FN3K: variants seen among roughly 807,000 people sequenced by gnomAD.
FN3K encodes fructosamine-3-kinase.
In FN3K, 24 loss-of-function variants were observed where a neutral mutation model predicts 24.8. That is an observed-to-expected ratio of 0.97 (90% CI 0.70 to 1.36). FN3K has a LOEUF of 1.36. Among genes scored for constraint, FN3K ranks in the 40% most tolerant of loss-of-function variants. The pLI, the probability that FN3K is intolerant of heterozygous loss-of-function variation, is 0.00. For synonymous variants in FN3K, 192 were observed against 175.2 expected, an observed-to-expected ratio of 1.10 and a Z score of -0.76; for missense variants, 449 against 416.7, an observed-to-expected ratio of 1.08 and a Z score of -0.67.
chr17:82,739,674 G>A (rs866146562), intron 2 of FN3K, among the ~76,000 whole-genome samples: 2 of 151,856 alleles, frequency 1.3e-5, no homozygotes, highest in Non-Finnish European at 2.9e-5. Context: ...AGCCAGGATG[G>A]TCTCGATCTG....
In FN3K at chr17:82,738,515, G is replaced by A. The variant is rs769383999; in HGVS notation, c.168G>A (p.Val56=). Residue 56 remains valine (V), a synonymous_variant, in exon 2 of 6, where the codon GTG becomes GTA. Coordinates refer to ENST00000300784, the MANE Select transcript of FN3K (RefSeq NM_022158.4). ...TQARQMFEGE[V]ASLEALRSTG... is the part of the protein sequence containing the mutation. ...CCCGGCAGATGTTTGAGGGGGAGGT[G>A]GCCAGCCTGGAGGCCCTCAGGAGCA... 5.6e-6 allele frequency: 9 copies of A among 1,611,890 alleles called. No homozygotes were observed. The South Asian group carries it at 6.6e-5, about 12-fold the overall frequency.
Position 82,738,586 on chromosome 17 carries a change from C to A in FN3K, c.239C>A (p.Pro80Gln), listed in dbSNP as rs564185306. The part of the protein sequence containing the change: ...VPRPMKVIDL[P>Q]GGGAAFVMEH... ...AGGCCCATGAAGGTCATCGACCTGC[C>A]GGGAGGTGGGGCCGCCTTTGTGATG... The change falls in exon 2 of 6, where the codon CCG (proline) becomes CAG (glutamine). Residue 80 changes from proline (P) to glutamine (Q), a missense_variant. Coordinates refer to ENST00000300784, the MANE Select transcript of FN3K (RefSeq NM_022158.4). 50 of 1,613,866 alleles carry A rather than the reference C, an allele frequency of 3.1e-5. No individual in the cohort carries two copies. The highest frequency in any genetic ancestry group is 8.3e-5 in the Admixed American group (5 of 59,970).
intron 4 of FN3K, among the ~76,000 whole-genome samples, chr17:82,743,701 T>C (rs1050176058): frequency 6.6e-6 from 1 of 152,232 alleles, no homozygotes; most frequent in African/African-American, 2.4e-5. Flanking sequence ...ACCAGGCAGA[T>C]AATGTCACTG....
chr17:82,745,121 G>C (rs536193165), intron 4 of FN3K: 18 of 156,084 alleles, frequency 1.2e-4, no homozygotes, highest in South Asian at 2.0e-4. Context: ...CCCTTCCTAC[G>C]AGGCCATATT....
chr17:82,738,257 A>G (rs3803770), intron 1 of FN3K: 183,633 of 561,938 alleles, frequency 0.33, 31,804 homozygotes, highest in Admixed American at 0.37. Context: ...AGCAGCCTGC[A>G]GACCCCACAC....
intron 1 of FN3K, chr17:82,737,798 C>G (rs1278296545): frequency 6.6e-6 from 1 of 152,228 alleles, no homozygotes; most frequent in East Asian, 1.9e-4. Flanking sequence ...AGAGTGAGAC[C>G]CTGTCTCAAA....
rs534901802 is a variant in FN3K, at chr17:82,741,549, A to T, written c.468+156A>T. Reference sequence around the variant, plus strand: ...GTGATACCTGGAATGGGGAGAGCAGACGCTGAGGGTCACTGAGCTGAGCTG... The same window carrying T: ...GTGATACCTGGAATGGGGAGAGCAGTCGCTGAGGGTCACTGAGCTGAGCTG... On this transcript the variant is annotated intron_variant, in intron 4 of 5. Coordinates refer to ENST00000300784, the MANE Select transcript of FN3K (RefSeq NM_022158.4). The T allele has an allele frequency of 3.7e-5, 26 of 693,556 alleles. 1 individual carries two copies. In the Admixed American group the frequency reaches 4.8e-4, roughly 13 times the overall value. The allele number at this position is 693,556 out of a possible 1,614,324, so 43.0% of individuals were successfully genotyped here. A position where few individuals can be genotyped will look rare whatever the true frequency, so the allele number is the denominator to read the frequency against.
chr17:82,747,353 T>G (rs1157847371), intron 4 of FN3K, among the ~76,000 whole-genome samples: 1 of 152,230 alleles, frequency 6.6e-6, no homozygotes, highest in Non-Finnish European at 1.5e-5. Flanking sequence ...AGAACTGTGT[T>G]TAGTTTTAAA....
intron 4 of FN3K, 46 bp from the exon 5 acceptor site, chr17:82,748,809 C>G: frequency 6.2e-7 from 1 of 1,611,590 alleles, no homozygotes; most frequent in East Asian, 2.2e-5. Context: ...TTAGGCAGCA[C>G]TTGGCTCCGA....
Position 82,750,686 on chromosome 17 carries a change from C to G in FN3K, c.861C>G (p.Asn287Lys), listed in dbSNP as rs1441449619. 5 of 1,613,736 alleles carry G rather than the reference C, an allele frequency of 3.1e-6. No individual in the cohort carries two copies. Among genetic ancestry groups the G allele is most frequent in the Non-Finnish European group, 3.4e-6 (4 of 1,179,992 alleles). ...LLLYQLFNYLNHWNHFGREYR... is the reference protein window; with the variant it reads ...LLLYQLFNYLKHWNHFGREYR... ...TCTACCAGCTGTTTAACTACCTGAA[C>G]CACTGGAACCACTTCGGGCGGGAGT... is the stretch of plus-strand genomic sequence containing the variant. The change falls in exon 6 of 6, where the codon AAC (asparagine) becomes AAG (lysine). Residue 287 changes from asparagine to lysine, a missense_variant. Physicochemically the swap from Asn to Lys is moderately conservative, Grantham distance 94 (BLOSUM62 0). Transcript: ENST00000300784.
intron 4 of FN3K, among the ~76,000 whole-genome samples, chr17:82,748,599 A>G (rs2046981921): frequency 1.3e-5 from 2 of 151,426 alleles, no homozygotes; most frequent in Admixed American, 1.3e-4. Context: ...TACCAAGAGT[A>G]TTTATTTTTG....
Position 82,735,685 on chromosome 17 carries a change from T to C in FN3K, c.49T>C (p.Phe17Leu). The C allele has an allele frequency of 6.5e-7, 1 of 1,541,838 alleles. No individual in the cohort carries two copies. The highest frequency in any genetic ancestry group is 8.7e-7 in the Non-Finnish European group (1 of 1,146,926). The change falls in exon 1 of 6, where the codon TTC becomes CTC. Residue 17 changes from phenylalanine to leucine, a missense_variant. Coordinates refer to ENST00000300784, the MANE Select transcript of FN3K (RefSeq NM_022158.4). ...AELRTATLRA[F>L]GGPGAGCISE... is the part of the protein sequence containing the mutation. ...GCTGCGCACCGCGACCCTGCGGGCC[T>C]TCGGCGGCCCCGGCGCCGGCTGCAT...
At chr17:82,738,936 A>G (rs2046923588) in intron 2 of FN3K, among the ~76,000 whole-genome samples, 1 of 99,900 alleles carries the variant, frequency 1.0e-5, no homozygotes, top group Non-Finnish European at 2.0e-5. Flanking sequence ...ATATATATAT[A>G]TATATATATA....
chr17:82,740,944 T>C (rs79442878), intron 3 of FN3K, 90 bp downstream of exon 3: 13 of 851,844 alleles, frequency 1.5e-5, no homozygotes, highest in Non-Finnish European at 2.2e-5. Flanking sequence ...GGCATTTCAA[T>C]AATAGGTTGA....
intron 2 of FN3K, among the ~76,000 whole-genome samples, chr17:82,739,164 T>C (rs1168286321): frequency 1.3e-5 from 2 of 151,678 alleles, no homozygotes; most frequent in South Asian, 2.1e-4. Context: ...GCTGAGTTGG[T>C]CTCAAACTTC....
At chr17:82,741,581 G>A (rs575722917) in intron 4 of FN3K, 188 bp downstream of exon 4, 7 of 579,558 alleles carry the variant, frequency 1.2e-5, no homozygotes, top group Non-Finnish European at 2.2e-5. Flanking sequence ...GCTGGGCAGG[G>A]TCATGGGACA....
Position 82,741,408 on chromosome 17 carries a change from G to A in FN3K, c.468+15G>A. On this transcript the variant is annotated intron_variant, in intron 4 of 5. Transcript: ENST00000300784. ...TCATCCCGCAGGTGAGTGCCTGGGTGAGGGTGTTCCCTGATGCCCTAATGC... is the reference window on the plus strand; with the variant it reads ...TCATCCCGCAGGTGAGTGCCTGGGTAAGGGTGTTCCCTGATGCCCTAATGC... 1 of 1,610,714 alleles carries A rather than the reference G, an allele frequency of 6.2e-7. No individual in the cohort carries two copies. Among genetic ancestry groups the A allele is most frequent in the Non-Finnish European group, 8.5e-7 (1 of 1,178,230 alleles).
chr17:82,741,063 C>T (rs767716820), intron 3 of FN3K: 86 of 657,662 alleles, frequency 1.3e-4, no homozygotes, highest in Non-Finnish European at 2.0e-4. Flanking sequence ...CTTTTATACC[C>T]AGCCCTCCTG....
At chr17:82,739,051 G>T (rs2046925237) in intron 2 of FN3K, among the ~76,000 whole-genome samples, 1 of 149,594 alleles carries the variant, frequency 6.7e-6, no homozygotes, top group East Asian at 2.0e-4. Context: ...GGGTTCAAAT[G>T]ATTCTCCCAC....
Sources: allele counts gnomAD v4.1 joint callset (sites outside exome capture counted in the v4.1 genomes callset), GRCh38; gene constraint gnomAD v4.1.1; transcripts MANE v1.5; gene names NCBI Gene and HGNC (gene_info 2026-07-23, HGNC 2026-07-21).